The following CATSPERB variants were observed in gnomAD, a reference collection of about 807,000 sequenced individuals.
CATSPERB encodes the protein cation channel sperm-associated auxiliary subunit beta.
CATSPERB carries 93 observed loss-of-function variants against 128.3 expected under a neutral mutation model. The ratio of observed to expected loss-of-function variants is 0.72; its 90% CI spans 0.61 to 0.86. CATSPERB has a LOEUF of 0.86. Ranked by LOEUF, CATSPERB falls within the 40% of genes least tolerant of loss-of-function variation. The pLI is 0.00. For synonymous variants in CATSPERB, 381 were observed against 448.8 expected (o/e 0.85, Z 1.91); for missense variants, 1,153 against 1,329.5 (o/e 0.87, Z 2.06).
intron 19 of CATSPERB, among the ~76,000 whole-genome samples, chr14:91,618,100 G>A (rs1009457161): frequency 6.6e-6 from 1 of 152,118 alleles, no homozygotes; most frequent in Admixed American, 6.6e-5. Context: ...CTAAATAAGG[G>A]GTGGATTATT....
intron 20 of CATSPERB, among the ~76,000 whole-genome samples, chr14:91,617,007 C>A (rs1704641): frequency 0.93 from 141,376 of 152,234 alleles, 65,746 homozygotes; most frequent in African/African-American, 0.97. Flanking sequence ...GCCTCCCAAA[C>A]GTACTGGGAT....
chr14:91,621,893 C>T lies in CATSPERB; in HGVS notation c.1975G>A (p.Val659Met). ...FEDTDIEKTV[V>M]LPGYSSFLIT... ...AGGAAGCTGCTGTACCCGGGAAGCA[C>T]TACAGTCTTCTCTATATCTGTATCT... The change falls in exon 19 of 27, where the codon GTG becomes ATG. Residue 659 changes from valine to methionine, a missense_variant. Physicochemically the swap from Val to Met is conservative, Grantham distance 21 (BLOSUM62 1). Coordinates refer to ENST00000256343, the MANE Select transcript of CATSPERB (RefSeq NM_024764.4). 1.2e-6 allele frequency: 2 copies of T among 1,613,118 alleles called. No individual in the cohort carries two copies. Among genetic ancestry groups the T allele is most frequent in the Non-Finnish European group, 1.7e-6 (2 of 1,179,494 alleles).
chr14:91,622,308 C>T (rs1329194426), intron 18 of CATSPERB, among the ~76,000 whole-genome samples: 1 of 151,550 alleles, frequency 6.6e-6, no homozygotes, highest in Admixed American at 6.6e-5. Flanking sequence ...TTCCCCAGTA[C>T]CTAAAGATGT....
chr14:91,725,927 T>C (rs1896112609), intron 2 of CATSPERB, among the ~76,000 whole-genome samples: 1 of 151,880 alleles, frequency 6.6e-6, no homozygotes, highest in Admixed American at 6.6e-5. Context: ...AGCAGACTAG[T>C]AGGTAAGCAA....
chr14:91,656,614 A>G (rs1250046414), intron 15 of CATSPERB, among the ~76,000 whole-genome samples: 1 of 152,118 alleles, frequency 6.6e-6, no homozygotes, highest in Non-Finnish European at 1.5e-5. Context: ...AAGACCACAA[A>G]ACAATCAGAA....
At chr14:91,685,625 A>C (rs1017933724) in intron 10 of CATSPERB, among the ~76,000 whole-genome samples, 31 of 152,236 alleles carry the variant, frequency 2.0e-4, no homozygotes, top group Non-Finnish European at 4.4e-4. Context: ...TGTGCTGAGA[A>C]CTTGGAGCAT....
chr14:91,612,309 TA>T (rs1445620686), intron 20 of CATSPERB, among the ~76,000 whole-genome samples: 2 of 152,208 alleles, frequency 1.3e-5, no homozygotes, highest in South Asian at 4.1e-4. Flanking sequence ...TGCAAATAAC[TA>T]AAAAAATTTT....
chr14:91,596,746 A>G (rs1472402571), intron 22 of CATSPERB, among the ~76,000 whole-genome samples: 2 of 152,232 alleles, frequency 1.3e-5, no homozygotes, highest in Non-Finnish European at 2.9e-5. Context: ...GTATACAAAT[A>G]TAGCCCAAAG....
chr14:91,724,723 C>T (rs1166140570), intron 3 of CATSPERB, among the ~76,000 whole-genome samples: 1 of 152,000 alleles, frequency 6.6e-6, no homozygotes, highest in Non-Finnish European at 1.5e-5. Flanking sequence ...TATACAAAGG[C>T]AAGACAGATT....
chr14:91,644,636 C>T (rs1286471978), intron 15 of CATSPERB, among the ~76,000 whole-genome samples: 1 of 72,322 alleles, frequency 1.4e-5, no homozygotes, highest in South Asian at 7.5e-4. Flanking sequence ...CTCTGGCTGC[C>T]CTTAACATTT....
Position 91,693,181 on chromosome 14 carries a change from G to C in CATSPERB, c.776C>G (p.Ser259Cys), listed in dbSNP as rs757732775. 1 of 1,613,802 alleles carries C rather than the reference G, an allele frequency of 6.2e-7. No homozygotes were observed. The highest frequency in any genetic ancestry group is 8.5e-7 in the Non-Finnish European group (1 of 1,179,896). Reference protein sequence around the residue: ...LTNHFLVILTSLGLFVSEDLR... With the variant: ...LTNHFLVILTCLGLFVSEDLR... ...ATCTTCACTTACAAAAAGGCCCAAA[G>C]AGGTGAGGATAACTAAAAAATGATT... Residue 259 changes from serine to cysteine, a missense_variant, in exon 9 of 27, where the codon TCT (serine) becomes TGT (cysteine). Coordinates refer to ENST00000256343, the MANE Select transcript of CATSPERB (RefSeq NM_024764.4).
At chr14:91,623,495 T>G (rs554779169) in intron 18 of CATSPERB, among the ~76,000 whole-genome samples, 4 of 152,350 alleles carry the variant, frequency 2.6e-5, no homozygotes, top group African/African-American at 9.6e-5. Flanking sequence ...CTATCATACA[T>G]ATGCTGAAAG....
intron 18 of CATSPERB, among the ~76,000 whole-genome samples, chr14:91,622,864 C>T (rs982519069): frequency 1.3e-5 from 2 of 150,750 alleles, no homozygotes; most frequent in Non-Finnish European, 2.9e-5. Flanking sequence ...TGACTCCAGC[C>T]AACAGCTTTT....
chr14:91,635,027 A>G (rs1031401904), intron 17 of CATSPERB, among the ~76,000 whole-genome samples: 34 of 151,980 alleles, frequency 2.2e-4, no homozygotes, highest in African/African-American at 7.7e-4. Context: ...TTTCTGGTTT[A>G]TAGATGGTGT....
chr14:91,660,993 A>G (rs1045540022), intron 14 of CATSPERB, among the ~76,000 whole-genome samples: 1 of 152,184 alleles, frequency 6.6e-6, no homozygotes, highest in African/African-American at 2.4e-5. Context: ...CTGGGCCTGA[A>G]TATTACAAAC....
rs768319532 is a variant in CATSPERB at position 91,610,626 on chromosome 14, C to G, written c.2452G>C (p.Val818Leu). ...TTCAGTGTTGGCACCATTGTCGTAA[C>G]AAAGCACTCAGTAGAGGCTGACCAC... is the stretch of plus-strand genomic sequence containing the variant. ...IMWSASTECF[V>L]TTMVPTLKSS... The change falls in exon 21 of 27, where the codon GTT (valine) becomes CTT (leucine). Residue 818 changes from valine to leucine, a missense_variant. Transcript: ENST00000256343. 1.2e-6 allele frequency: 2 copies of G among 1,612,578 alleles called. No individual in the cohort carries two copies. Among genetic ancestry groups the G allele is most frequent in the Admixed American group, 1.7e-5 (1 of 59,908 alleles).
At chr14:91,652,670 CAAAAAAAAAAAAAAAA>C (rs58608847) in intron 15 of CATSPERB, among the ~76,000 whole-genome samples, 14 of 69,168 alleles carry the variant, frequency 2.0e-4, no homozygotes, top group East Asian at 8.5e-4. Context: ...GACTCTGTCT[CAAAAAAAAAAAAAAAA>C]AAAAAAAAAA....
intron 11 of CATSPERB, among the ~76,000 whole-genome samples, chr14:91,674,658 T>C (rs572642050): frequency 3.7e-4 from 57 of 152,304 alleles, no homozygotes; most frequent in Non-Finnish European, 6.2e-4. Context: ...CCCTTCCCAC[T>C]CGACACTCCA....
rs767757386 is a variant in CATSPERB at position 91,581,057 on chromosome 14, G to A, written c.3183C>T (p.Ala1061=). 6 of 1,614,048 alleles carry A rather than the reference G, an allele frequency of 3.7e-6. No individual in the cohort carries two copies. The highest frequency in any genetic ancestry group is 1.3e-5 in the African/African-American group (1 of 74,926). The stretch of plus-strand genomic sequence containing the variant: ...CCCCTAGCACTACCGCTGTTGCCAC[G>A]GCAATAAGCGTGTGTCCTGGGAATG... ...PLPFPGHTLI[A]VATAVVLGGL... Residue 1061 remains alanine, a synonymous_variant, in exon 27 of 27, where the codon GCC becomes GCT. Transcript: ENST00000256343.
Sources: gnomAD v4.1 joint callset for allele counts (sites outside exome capture counted in the v4.1 genomes callset) on GRCh38, gnomAD v4.1.1 for gene constraint, MANE v1.5 for transcripts, NCBI Gene and HGNC (gene_info 2026-07-23, HGNC 2026-07-21) for gene names.